C3orf70: variants seen among roughly 807,000 people sequenced by gnomAD.
C3orf70 encodes the protein UPF0524 protein C3orf70.
In C3orf70, 15 loss-of-function variants were observed where a neutral mutation model predicts 20.7. The observed-to-expected ratio is 0.72, with a 90% CI of 0.48 to 1.11. C3orf70 has a LOEUF of 1.11. Ranked by LOEUF, C3orf70 falls within the 50% of genes most tolerant of loss-of-function variation. C3orf70 has a pLI of 0.00. For missense variants in C3orf70, 332 were observed against 317.6 expected, an observed-to-expected ratio of 1.05 and a Z score of -0.34; for synonymous variants, 161 against 125.7, an observed-to-expected ratio of 1.28 and a Z score of -1.88.
At chr3:185,096,289 T>C (rs1715703515) in intron 1 of C3orf70, among the ~76,000 whole-genome samples, 1 of 152,186 alleles carries the variant, frequency 6.6e-6, no homozygotes, top group Non-Finnish European at 1.5e-5. Context: ...GTCTACTTCA[T>C]TGTCTGTCTA....
intron 1 of C3orf70, among the ~76,000 whole-genome samples, chr3:185,107,837 G>A (rs2108594776): frequency 6.6e-6 from 1 of 152,268 alleles, no homozygotes; most frequent in East Asian, 1.9e-4. Context: ...GCCTTTAATA[G>A]TCATAGACTC....
At chr3:185,120,320 C>A (rs547789690) in intron 1 of C3orf70, among the ~76,000 whole-genome samples, 1 of 152,062 alleles carries the variant, frequency 6.6e-6, no homozygotes. Flanking sequence ...AAGAACAAGA[C>A]GGACAAGATT....
intron 1 of C3orf70, among the ~76,000 whole-genome samples, chr3:185,084,508 CCGCA>C (rs1187662156): frequency 6.6e-6 from 1 of 151,740 alleles, no homozygotes; most frequent in Non-Finnish European, 1.5e-5. Flanking sequence ...GGTGTCTCCC[CCGCA>C]CCCCTCCCCG....
intron 1 of C3orf70, among the ~76,000 whole-genome samples, chr3:185,092,825 T>C (rs1715620110): frequency 6.6e-6 from 1 of 151,986 alleles, no homozygotes; most frequent in Admixed American, 6.6e-5. Context: ...ACCCCGTCTG[T>C]GCTAAAAATA....
At chr3:185,151,277 T>C (rs1716984261) in intron 1 of C3orf70, among the ~76,000 whole-genome samples, 1 of 152,212 alleles carries the variant, frequency 6.6e-6, no homozygotes, top group Admixed American at 6.5e-5. Flanking sequence ...GACAGTAACC[T>C]GGACTATCTT....
rs770344992 is a variant in C3orf70 at position 185,152,811 on chromosome 3, C to T, written c.13G>A (p.Ala5Thr). 1.3e-6 allele frequency: 2 copies of T among 1,560,690 alleles called. No homozygotes were observed. Among genetic ancestry groups the T allele is most frequent in the South Asian group, 1.2e-5 (1 of 86,200 alleles). MSAA[A>T]SPASERGWKS... ...CAACCCCGCTCCGACGCCGGCGAGG[C>T]CGCCGCACTCATTTCCTCTCCCTCC... Residue 5 changes from alanine to threonine, a missense_variant, in exon 1 of 2, where the codon GCC (alanine) becomes ACC (threonine). Ala to Thr is a moderately conservative substitution (Grantham distance 58). Transcript: ENST00000335012.
chr3:185,124,445 A>G (rs1716368048), intron 1 of C3orf70, among the ~76,000 whole-genome samples: 3 of 152,228 alleles, frequency 2.0e-5, no homozygotes, highest in Admixed American at 2.0e-4. Context: ...AAGACTTCCA[A>G]TACAGCTATG....
chr3:185,087,628 A>G (rs904213178), intron 1 of C3orf70, among the ~76,000 whole-genome samples: 14 of 152,206 alleles, frequency 9.2e-5, no homozygotes, highest in African/African-American at 3.4e-4. Flanking sequence ...AGAAACCGAA[A>G]GCAAGAGTGG....
chr3:185,134,511 T>G (rs1237535164), intron 1 of C3orf70, among the ~76,000 whole-genome samples: 1 of 152,124 alleles, frequency 6.6e-6, no homozygotes, highest in Non-Finnish European at 1.5e-5. Context: ...TTTCTCCTCC[T>G]ATTTGCCAGA....
intron 1 of C3orf70, among the ~76,000 whole-genome samples, chr3:185,095,755 T>G (rs1405101186): frequency 7.0e-6 from 1 of 143,828 alleles, no homozygotes; most frequent in African/African-American, 2.8e-5. Flanking sequence ...TTTTTTTTTT[T>G]GAGACGGAGT....
At chr3:185,141,399 C>T (rs1468403058) in intron 1 of C3orf70, among the ~76,000 whole-genome samples, 2 of 151,570 alleles carry the variant, frequency 1.3e-5, no homozygotes, top group Non-Finnish European at 2.9e-5. Context: ...CAGCCTAGCA[C>T]TTGCACTCTT....
At chr3:185,083,619 G>C in intron 1 of C3orf70, 56 bp from the exon 2 acceptor site, 1 of 1,424,698 alleles carries the variant, frequency 7.0e-7, no homozygotes, top group African/African-American at 1.4e-5. Flanking sequence ...ATATTAACAT[G>C]GCCATAATGG....
At chr3:185,113,347 C>T (rs1326056714) in intron 1 of C3orf70, among the ~76,000 whole-genome samples, 1 of 148,906 alleles carries the variant, frequency 6.7e-6, no homozygotes, top group Non-Finnish European at 1.5e-5. Context: ...TTGTAAAGAA[C>T]TAACTGTGCC....
chr3:185,083,467 G>C lies in C3orf70; in HGVS notation c.293C>G (p.Ser98Ter), dbSNP rs768587258. 6.2e-7 allele frequency: 1 copy of C among 1,614,096 alleles called. No homozygotes were observed. The highest frequency in any genetic ancestry group is 1.7e-5 in the Admixed American group (1 of 60,012). Residue 98 changes from serine (S) to a stop codon, truncating the protein, a stop_gained, in exon 2 of 2, where the codon TCA (serine) becomes TGA (stop). Transcript: ENST00000335012. LOFTEE classifies it high-confidence loss of function. ...PREPTNTIQISVSLTEHFLKF... is the reference protein window; with the variant it reads ...PREPTNTIQI Reference sequence around the variant, plus strand: ...CAAAAAGTGTTCGGTGAGCGAGACTGAGATCTGAATGGTGTTTGTGGGTTC... The same window carrying C: ...CAAAAAGTGTTCGGTGAGCGAGACTCAGATCTGAATGGTGTTTGTGGGTTC...
intron 1 of C3orf70, among the ~76,000 whole-genome samples, chr3:185,112,524 G>A (rs958954135): frequency 6.6e-6 from 1 of 152,160 alleles, no homozygotes; most frequent in South Asian, 2.1e-4. Context: ...TTTAAGCCAA[G>A]TTTTTCAACA....
At chr3:185,131,123 T>A (rs1198531405) in intron 1 of C3orf70, among the ~76,000 whole-genome samples, 1 of 152,220 alleles carries the variant, frequency 6.6e-6, no homozygotes, top group Non-Finnish European at 1.5e-5. Flanking sequence ...CCAACACTTA[T>A]CTTTCTTTGT....
chr3:185,120,033 A>AAAAAAGAAAG (rs1553920940), intron 1 of C3orf70, among the ~76,000 whole-genome samples: 25 of 100,750 alleles, frequency 2.5e-4, no homozygotes, highest in African/African-American at 1.1e-3. Flanking sequence ...AAAAAAAAAA[A>AAAAAAGAAAG]AAAAAGAAAA....
At chr3:185,120,967 T>C (rs1299111861) in intron 1 of C3orf70, among the ~76,000 whole-genome samples, 3 of 152,064 alleles carry the variant, frequency 2.0e-5, no homozygotes, top group Non-Finnish European at 4.4e-5. Flanking sequence ...CGCAAAAATA[T>C]GGAACCAGCC....
At chr3:185,130,153 T>C (rs1229088246) in intron 1 of C3orf70, among the ~76,000 whole-genome samples, 2 of 152,206 alleles carry the variant, frequency 1.3e-5, no homozygotes, top group Non-Finnish European at 2.9e-5. Flanking sequence ...AAGTTTGGGC[T>C]AAAAATAAAT....
Sources: gnomAD v4.1 joint callset for allele counts (sites outside exome capture counted in the v4.1 genomes callset) on GRCh38, gnomAD v4.1.1 for gene constraint, MANE v1.5 for transcripts, NCBI Gene and HGNC (gene_info 2026-07-23, HGNC 2026-07-21) for gene names.